Variants in ABCA3 observed in about 807,000 individuals in gnomAD.
ABCA3 encodes phospholipid-transporting ATPase ABCA3.
In ABCA3, 88 loss-of-function variants were observed where a neutral mutation model predicts 172.8. The observed-to-expected ratio is 0.51, with a 90% CI of 0.43 to 0.61. ABCA3 has a LOEUF of 0.61. Among genes scored for constraint, ABCA3 ranks in the 20% least tolerant of loss-of-function variants. ABCA3 has a pLI of 0.00. For missense variants in ABCA3, 2,164 were observed against 2,301.0 expected, an observed-to-expected ratio of 0.94 and a Z score of 1.22; for synonymous variants, 1,066 against 983.8, an observed-to-expected ratio of 1.08 and a Z score of -1.56.
chr16:2,338,289 T>C (rs2093754969), intron 1 of ABCA3, among the ~76,000 whole-genome samples: 1 of 152,202 alleles, frequency 6.6e-6, no homozygotes, highest in South Asian at 2.1e-4. Context: ...GGGCCTGACA[T>C]GCCTCACTCT....
chr16:2,298,348 G>A, intron 15 of ABCA3, 38 bp downstream of exon 15: 2 of 1,613,532 alleles, frequency 1.2e-6, no homozygotes, highest in Non-Finnish European at 1.7e-6. Flanking sequence ...GAGCACATCA[G>A]TGGAAACACC....
intron 1 of ABCA3, among the ~76,000 whole-genome samples, chr16:2,339,636 C>T (rs1308988366): frequency 1.3e-5 from 2 of 152,206 alleles, no homozygotes; most frequent in African/African-American, 2.4e-5. Flanking sequence ...CATGCTGTCG[C>T]GGGGTCTCGG....
rs45439892 is a variant in ABCA3 at position 2,317,225 on chromosome 16, C to T, written c.1111+58G>A. On this transcript the variant is annotated intron_variant, in intron 10 of 32. Coordinates refer to ENST00000301732, the MANE Select transcript of ABCA3 (RefSeq NM_001089.3). ...CCGATCACAGCCTCTGGGTTATTTC[C>T]ATGCAGATGGCCCTTGGCCCCTTGG... 9.4e-4 allele frequency: 1,508 copies of T among 1,609,676 alleles called. 18 individuals are homozygous for T. In the African/African-American group the frequency reaches 0.018, roughly 19 times the overall value.
rs1318403355 is a variant in ABCA3, at chr16:2,326,199, A to C, written c.130T>G (p.Leu44Val). The C allele has an allele frequency of 6.2e-7, 1 of 1,614,130 alleles. No homozygotes were observed. Among genetic ancestry groups the C allele is most frequent in the Non-Finnish European group, 8.5e-7 (1 of 1,180,038 alleles). The change falls in exon 5 of 33, where the codon TTG (leucine) becomes GTG (valine). Residue 44 changes from leucine (L) to valine (V), a missense_variant. By Grantham distance (32) the Leu-to-Val change is conservative. This residue lies in a region of ABCA3 where 1,343 missense variants were observed against 1,369.6 expected (regional missense o/e 0.98). Coordinates refer to ENST00000301732, the MANE Select transcript of ABCA3 (RefSeq NM_001089.3). Reference protein sequence around the residue: ...LFSGILIWLRLKIQSENVPNA... With the variant: ...LFSGILIWLRVKIQSENVPNA... ...GGCACATTTTCCGACTGAATCTTCAAGCGGAGCCAGATGAGGATCCCAGAA... is the reference window on the plus strand; with the variant it reads ...GGCACATTTTCCGACTGAATCTTCACGCGGAGCCAGATGAGGATCCCAGAA...
chr16:2,328,996 CTTTT>C (rs11342708), intron 2 of ABCA3, among the ~76,000 whole-genome samples: 1 of 134,288 alleles, frequency 7.4e-6, no homozygotes, highest in South Asian at 2.5e-4. Context: ...AAAACTCTTG[CTTTT>C]TTTTTTTTTT....
chr16:2,327,756 T>C (rs2093736705), intron 3 of ABCA3, among the ~76,000 whole-genome samples: 1 of 152,236 alleles, frequency 6.6e-6, no homozygotes, highest in Admixed American at 6.5e-5. Context: ...AGTCTTGCTC[T>C]GTCACCCAGG....
At chr16:2,328,001 G>T (rs1199514988) in intron 3 of ABCA3, among the ~76,000 whole-genome samples, 1 of 152,102 alleles carries the variant, frequency 6.6e-6, no homozygotes, top group African/African-American at 2.4e-5. Flanking sequence ...GATTATAGGC[G>T]TGAGCCACTG....
intron 1 of ABCA3, among the ~76,000 whole-genome samples, chr16:2,336,732 G>C (rs571295400): frequency 1.3e-5 from 2 of 150,802 alleles, no homozygotes; most frequent in South Asian, 4.2e-4. Flanking sequence ...GAGCCACCTC[G>C]TCTGGCCAAT....
At chr16:2,321,063 G>A (rs1456589052) in intron 7 of ABCA3, among the ~76,000 whole-genome samples, 2 of 143,542 alleles carry the variant, frequency 1.4e-5, no homozygotes, top group Non-Finnish European at 3.0e-5. Flanking sequence ...GCTGAAATCT[G>A]TCAGTCTTTT....
chr16:2,284,521 G>C lies in ABCA3; in HGVS notation c.3704-84C>G. 6.4e-7 allele frequency: 1 copy of C among 1,564,896 alleles called. No homozygotes were observed. The highest frequency in any genetic ancestry group is 2.2e-5 in the East Asian group (1 of 44,614). On this transcript the variant is annotated intron_variant, in intron 24 of 32. Transcript: ENST00000301732. The surrounding 1 kb of genome is among the most constrained non-coding windows in gnomAD (Gnocchi z 5.9). ...ACGGGCCTGGTCAGGGCGGGCACAGGGCCTTATCCGTGCTGTGTGGAGTGA... is the reference window on the plus strand; with the variant it reads ...ACGGGCCTGGTCAGGGCGGGCACAGCGCCTTATCCGTGCTGTGTGGAGTGA...
rs559774168 is a variant in ABCA3 at position 2,284,280 on chromosome 16, A to G, written c.3861T>C (p.Tyr1287=). ...SEVAAHYCKK[Y]NIQYQENFYA... ...CGGGGTCGGGGCTGGGACACTCACT[A>G]TATTTCTTGCAGTAGTGGGCGGCGA... Residue 1287 remains tyrosine (Y), a splice_region_variant and synonymous_variant, in exon 25 of 33, where the codon TAT becomes TAC. Transcript: ENST00000301732. The surrounding 1 kb of genome is among the most constrained non-coding windows in gnomAD (Gnocchi z 5.9). 34 of 1,613,186 alleles carry G rather than the reference A, an allele frequency of 2.1e-5. No individual in the cohort carries two copies. The highest frequency in any genetic ancestry group is 1.5e-4 in the African/African-American group (11 of 74,996).
At chr16:2,313,552 C>CAAAAAAAAA (rs56389139) in intron 10 of ABCA3, among the ~76,000 whole-genome samples, 1 of 61,898 alleles carries the variant, frequency 1.6e-5, no homozygotes, top group African/African-American at 6.4e-5. Context: ...GACTCTGTCA[C>CAAAAAAAAA]AAAAAAAAAA....
intron 20 of ABCA3, 35 bp downstream of exon 20, chr16:2,289,399 T>TCCCCCCCCCCCCCCCCCCCC: frequency 5.2e-6 from 8 of 1,544,320 alleles, no homozygotes; most frequent in East Asian, 2.4e-5. Flanking sequence ...TGCTCGCCCT[T>TCCCCCCCCCCCCCCCCCCCC]CCCCCGCCAC....
rs767233310 is a variant in ABCA3 at position 2,284,918 on chromosome 16, G to A, written c.3564C>T (p.Tyr1188=). The A allele has an allele frequency of 6.8e-6, 11 of 1,613,848 alleles. No homozygotes were observed. Among genetic ancestry groups the A allele is most frequent in the African/African-American group, 2.7e-5 (2 of 74,898 alleles). The change falls in exon 24 of 33, where the codon TAC becomes TAT. Residue 1188 remains tyrosine, a synonymous_variant. Coordinates refer to ENST00000301732, the MANE Select transcript of ABCA3 (RefSeq NM_001089.3). This position sits in a 1 kb window ranked among gnomAD's most constrained non-coding sequence, Gnocchi z 5.9. ...ACATGAGGGGGATGATGGCCCAGCC[G>A]TAGAGCAGGAGCAGCAGCAGGGTGT... ...MADTLLLLLL[Y]GWAIIPLMYL...
chr16:2,287,912 G>T lies in ABCA3; in HGVS notation c.3004+114C>A, dbSNP rs912608759. The T allele has an allele frequency of 7.4e-7, 1 of 1,347,606 alleles. No individual in the cohort carries two copies. The highest frequency in any genetic ancestry group is 1.0e-6 in the Non-Finnish European group (1 of 977,966). The allele number at this position is 1,347,606 out of a possible 1,614,324, so 83.5% of individuals were successfully genotyped here. A position where few individuals can be genotyped will look rare whatever the true frequency, so the allele number is the denominator to read the frequency against. On this transcript the variant is annotated intron_variant, in intron 21 of 32. Coordinates refer to ENST00000301732, the MANE Select transcript of ABCA3 (RefSeq NM_001089.3). The surrounding 1 kb of genome is among the most constrained non-coding windows in gnomAD (Gnocchi z 4.1). The stretch of plus-strand genomic sequence containing the variant: ...TGCTGAACCTCCCTCAGTACATTCG[G>T]AACAGCCAAGAACCATCCTCCCCAG...
At chr16:2,296,682 T>G (rs2093680259) in intron 17 of ABCA3, among the ~76,000 whole-genome samples, 1 of 152,224 alleles carries the variant, frequency 6.6e-6, no homozygotes, top group African/African-American at 2.4e-5. Flanking sequence ...TCCTCCCTCT[T>G]GGTAACAAAA....
At chr16:2,331,802 C>T (rs1443105442) in intron 1 of ABCA3, among the ~76,000 whole-genome samples, 2 of 152,210 alleles carry the variant, frequency 1.3e-5, no homozygotes, top group Non-Finnish European at 2.9e-5. Flanking sequence ...CTAAGTTAAA[C>T]ACTCAGGACT....
chr16:2,276,794 A>G lies in ABCA3; in HGVS notation c.4995T>C (p.Ile1665=). 6.2e-7 allele frequency: 1 copy of G among 1,613,878 alleles called. No homozygotes were observed. The stretch of plus-strand genomic sequence containing the variant: ...CGTACTTTTCCTTGGCTTTCTCCAG[A>G]ATACCGAAAACCTTTGGGGAGCAGA... The part of the protein sequence containing the change: ...RDLSWAKVFG[I]LEKAKEKYGV... The change falls in exon 33 of 33, where the codon ATT becomes ATC. Residue 1665 remains isoleucine, a synonymous_variant. Transcript: ENST00000301732.
chr16:2,333,574 G>A (rs545877499), intron 1 of ABCA3, among the ~76,000 whole-genome samples: 4 of 152,236 alleles, frequency 2.6e-5, no homozygotes, highest in Admixed American at 1.3e-4. Flanking sequence ...AGAATCCATG[G>A]TCTTTTAGGG....
Sources: gnomAD v4.1 joint callset for allele counts (sites outside exome capture counted in the v4.1 genomes callset) on GRCh38, gnomAD v4.1.1 for gene constraint, gnomAD v4.1.1 regional missense constraint, Gnocchi (gnomAD v3.1) non-coding constraint, MANE v1.5 for transcripts, NCBI Gene and HGNC (gene_info 2026-07-23, HGNC 2026-07-21) for gene names.